The following CNTNAP2 variants were observed in gnomAD, a reference collection of about 807,000 sequenced individuals.
CNTNAP2 encodes contactin associated protein 2, also known as contactin-associated protein-like 2.
CNTNAP2 carries 98 observed loss-of-function variants against 155.2 expected under a neutral mutation model. The ratio of observed to expected loss-of-function variants is 0.63; its 90% confidence interval spans 0.54 to 0.75. The LOEUF (loss-of-function observed/expected upper bound fraction) is 0.75, where lower values mean the gene tolerates loss of function less well. Among genes scored for constraint, CNTNAP2 ranks in the 30% least tolerant of loss-of-function variants. The probability of loss-of-function intolerance (pLI) is 0.00; values close to 1 mark genes in which losing one functional copy is unlikely to be tolerated. For synonymous variants in CNTNAP2, 651 were observed against 631.2 expected, an observed-to-expected ratio of 1.03 and a Z score of -0.47; for missense variants, 1,727 against 1,688.1, an observed-to-expected ratio of 1.02 and a Z score of -0.40.
intron 22 of CNTNAP2, among the ~76,000 whole-genome samples, chr7:148,405,993 G>A (rs1050753459): frequency 3.3e-5 from 5 of 152,076 alleles, no homozygotes; most frequent in Admixed American, 6.6e-5. Flanking sequence ...AGCACTTTAA[G>A]AGGCCAAGAC....
At chr7:147,183,887 A>G (rs915993035) in intron 8 of CNTNAP2, among the ~76,000 whole-genome samples, 1 of 152,158 alleles carries the variant, frequency 6.6e-6, no homozygotes, top group Non-Finnish European at 1.5e-5. Flanking sequence ...AGTGGTGCCT[A>G]CTATAGTTTT....
chr7:147,036,911 A>G (rs1464667459), intron 3 of CNTNAP2, among the ~76,000 whole-genome samples: 5 of 152,168 alleles, frequency 3.3e-5, no homozygotes, highest in African/African-American at 1.2e-4. Flanking sequence ...GCCAAGTGAT[A>G]TGAAAAAATG....
chr7:148,362,887 C>T (rs1330103967), intron 21 of CNTNAP2, among the ~76,000 whole-genome samples: 2 of 152,232 alleles, frequency 1.3e-5, no homozygotes, highest in African/African-American at 2.4e-5. Flanking sequence ...GGTGCAAAAG[C>T]AATACCCATT....
chr7:147,095,266 C>T (rs1800506545), intron 4 of CNTNAP2, among the ~76,000 whole-genome samples: 1 of 149,166 alleles, frequency 6.7e-6, no homozygotes. Context: ...GAACTCTTTA[C>T]CTGAAATGAT....
chr7:147,377,637 T>G (rs1046502626), intron 9 of CNTNAP2, among the ~76,000 whole-genome samples: 38 of 151,790 alleles, frequency 2.5e-4, no homozygotes, highest in African/African-American at 8.9e-4. Flanking sequence ...ATTTTTTGTT[T>G]TTCTGAAAAT....
intron 1 of CNTNAP2, among the ~76,000 whole-genome samples, chr7:146,256,993 G>A (rs6974660): frequency 6.6e-6 from 1 of 152,100 alleles, no homozygotes; most frequent in Admixed American, 6.5e-5. Flanking sequence ...TATCCACAAT[G>A]TTTCAAAGCA....
At chr7:148,415,298 G>T in intron 23 of CNTNAP2, 119 bp from the exon 24 acceptor site, 1 of 1,008,062 alleles carries the variant, frequency 9.9e-7, no homozygotes, top group South Asian at 1.3e-5. Flanking sequence ...TTGTTGTTTT[G>T]GAGGTTGTGT....
intron 1 of CNTNAP2, among the ~76,000 whole-genome samples, chr7:146,136,219 A>AT (rs1380191351): frequency 6.6e-6 from 1 of 152,110 alleles, no homozygotes. Flanking sequence ...ACTGAGTGTG[A>AT]TTTTTTACAT....
At chr7:147,424,467 T>C (rs1177497285) in intron 10 of CNTNAP2, among the ~76,000 whole-genome samples, 3 of 152,214 alleles carry the variant, frequency 2.0e-5, no homozygotes, top group Non-Finnish European at 2.9e-5. Context: ...CTCTCTCTCT[T>C]GCTTCTCCTC....
chr7:146,875,166 T>A (rs1041172791), intron 3 of CNTNAP2, among the ~76,000 whole-genome samples: 4 of 152,172 alleles, frequency 2.6e-5, no homozygotes, highest in African/African-American at 7.2e-5. Context: ...AAAGGATGAT[T>A]TAATGGCATC....
chr7:146,962,587 G>A (rs1424689566), intron 3 of CNTNAP2, among the ~76,000 whole-genome samples: 1 of 152,168 alleles, frequency 6.6e-6, no homozygotes, highest in African/African-American at 2.4e-5. Flanking sequence ...GTCTCGCTCT[G>A]TTTCCGAGGC....
intron 9 of CNTNAP2, among the ~76,000 whole-genome samples, chr7:147,361,624 T>TCTTATTGAGTAAGATAAACTTA (rs1275120293): frequency 2.3e-4 from 35 of 152,286 alleles, no homozygotes; most frequent in Non-Finnish European, 4.7e-4. Context: ...AGTAAGATAG[T>TCTTATTGAGTAAGATAAACTTA]CTTATTGAGT....
chr7:146,537,003 C>G (rs754930721), intron 1 of CNTNAP2, among the ~76,000 whole-genome samples: 3 of 152,028 alleles, frequency 2.0e-5, no homozygotes, highest in Non-Finnish European at 2.9e-5. Flanking sequence ...GGTAGAAAGA[C>G]ATTTATATTT....
At chr7:147,256,221 G>A (rs1442308503) in intron 8 of CNTNAP2, among the ~76,000 whole-genome samples, 1 of 152,158 alleles carries the variant, frequency 6.6e-6, no homozygotes, top group African/African-American at 2.4e-5. Flanking sequence ...CAGGCCCTAT[G>A]GTTGGTGGGG....
rs147358632 is a variant in CNTNAP2, at chr7:147,785,449, G to A, written c.2099-118116G>A. Among the ~76,000 whole-genome samples the A allele has an allele frequency of 8.0e-4, 121 of 152,146 alleles. 2 individuals carry two copies. The East Asian group carries it at 0.02, about 25-fold the overall frequency. ...TTGGTGCCCTAAAACTTACTATTTG[G>A]TAGAATAATAGGTGGGAAAGCCAGA... On this transcript the variant is annotated intron_variant, in intron 13 of 23. Transcript: ENST00000361727.
At chr7:148,268,778 G>C (rs1796722140) in intron 21 of CNTNAP2, among the ~76,000 whole-genome samples, 1 of 152,122 alleles carries the variant, frequency 6.6e-6, no homozygotes. Context: ...AGGTAGTTAA[G>C]ATTATGATCT....
At chr7:148,141,776 G>C (rs902226318) in intron 16 of CNTNAP2, among the ~76,000 whole-genome samples, 1 of 152,190 alleles carries the variant, frequency 6.6e-6, no homozygotes, top group Non-Finnish European at 1.5e-5. Flanking sequence ...AGAATGTTTA[G>C]GGATGGAGTT....
chr7:146,410,267 C>A (rs1320854194), intron 1 of CNTNAP2, among the ~76,000 whole-genome samples: 1 of 152,084 alleles, frequency 6.6e-6, no homozygotes. Flanking sequence ...CCCAGCCATA[C>A]CCAATTGTGT....
At chr7:146,684,866 A>T in intron 1 of CNTNAP2, among the ~76,000 whole-genome samples, 1 of 152,284 alleles carries the variant, frequency 6.6e-6, no homozygotes, top group East Asian at 1.9e-4. Context: ...CGTGACCTTG[A>T]TAACATATGT....
Sources: gnomAD v4.1 joint callset for allele counts (sites outside exome capture counted in the v4.1 genomes callset) on GRCh38, gnomAD v4.1.1 for gene constraint, MANE v1.5 for transcripts, NCBI Gene and HGNC (gene_info 2026-07-23, HGNC 2026-07-21) for gene names.